SDHC: variants seen among roughly 807,000 people sequenced by gnomAD.
SDHC encodes the protein succinate dehydrogenase complex subunit C.
In SDHC, 11 loss-of-function variants were observed where a neutral mutation model predicts 22.6. The observed-to-expected ratio is 0.49, with a 90% CI of 0.31 to 0.81. SDHC has a LOEUF of 0.81. Among genes scored for constraint, SDHC ranks in the 30% least tolerant of loss-of-function variants. SDHC has a pLI of 0.05. For synonymous variants in SDHC, 80 were observed against 77.8 expected (o/e 1.03, Z -0.15); for missense variants, 160 against 212.0 (o/e 0.75, Z 1.52).
intron 1 of SDHC, among the ~76,000 whole-genome samples, chr1:161,320,917 C>T (rs954716446): frequency 1.3e-5 from 2 of 148,964 alleles, no homozygotes; most frequent in East Asian, 2.0e-4. Context: ...ACCTCTGCCT[C>T]GCGGGTTCAA....
chr1:161,348,345 G>T (rs140700985), intron 4 of SDHC, among the ~76,000 whole-genome samples: 2,988 of 151,512 alleles, frequency 0.02, 78 homozygotes, highest in African/African-American at 0.065. Flanking sequence ...TTTTAGTAGA[G>T]ACGGGATTTC....
chr1:161,326,991 A>G (rs1020481459), intron 2 of SDHC, among the ~76,000 whole-genome samples: 1 of 152,068 alleles, frequency 6.6e-6, no homozygotes, highest in Non-Finnish European at 1.5e-5. Context: ...TGATGCAATC[A>G]CAGCTCACTG....
chr1:161,338,433 ATTCCAAGATGAGCGTTAGCT>A (rs1370075865), intron 3 of SDHC, among the ~76,000 whole-genome samples: 1 of 152,198 alleles, frequency 6.6e-6, no homozygotes, highest in Non-Finnish European at 1.5e-5. Context: ...CTAAGCTAAC[ATTCCAAGATGAGCGTTAGCT>A]TTCTTCAGAG....
intron 3 of SDHC, among the ~76,000 whole-genome samples, chr1:161,329,612 A>G (rs1340864297): frequency 1.3e-5 from 2 of 152,226 alleles, no homozygotes; most frequent in Non-Finnish European, 2.9e-5. Context: ...GATTATAGGC[A>G]TGAGCCATCA....
intron 1 of SDHC, among the ~76,000 whole-genome samples, chr1:161,319,798 A>G (rs536838474): frequency 4.5e-4 from 69 of 152,270 alleles, no homozygotes; most frequent in African/African-American, 1.5e-3. Context: ...GGGAGGCTCT[A>G]TTCAGAGAAC....
intron 3 of SDHC, among the ~76,000 whole-genome samples, chr1:161,336,592 G>T (rs899580502): frequency 6.6e-6 from 1 of 152,148 alleles, no homozygotes; most frequent in African/African-American, 2.4e-5. Flanking sequence ...GGTGAGGTGA[G>T]TCTTTCACTA....
At chr1:161,339,423 G>A (rs374132063) in intron 3 of SDHC, 19 of 270,396 alleles carry the variant, frequency 7.0e-5, no homozygotes, top group South Asian at 6.4e-4. Flanking sequence ...TGAACTCAAC[G>A]GCCCCCGCCT....
rs111230586 is a variant in SDHC, at chr1:161,323,852, C to T, written c.77+182C>T. On this transcript the variant is annotated intron_variant, in intron 2 of 5. Transcript: ENST00000367975. ...CTGGGACTACAGGCGCCCACCACCA[C>T]GCCTGGCTAATTTTTTTGTATTTTT... Among the ~76,000 whole-genome samples, 5,249 of 152,198 alleles carry T rather than the reference C, an allele frequency of 0.034. 102 individuals carry two copies. The highest frequency in any genetic ancestry group is 0.038 in the Non-Finnish European group (2,580 of 67,986).
intron 3 of SDHC, among the ~76,000 whole-genome samples, chr1:161,334,485 TA>T (rs1463624352): frequency 6.6e-6 from 1 of 152,192 alleles, no homozygotes; most frequent in Non-Finnish European, 1.5e-5. Context: ...AAGTTTTTAA[TA>T]AAACTTGTGG....
At chr1:161,355,686 A>G (rs1380244698) in intron 4 of SDHC, among the ~76,000 whole-genome samples, 2 of 152,166 alleles carry the variant, frequency 1.3e-5, no homozygotes, top group African/African-American at 2.4e-5. Context: ...ACACTAGAAG[A>G]TAAAGATAAA....
At chr1:161,328,273 A>G (rs1671139733) in intron 2 of SDHC, 123 bp from the exon 3 acceptor site, 1 of 803,012 alleles carries the variant, frequency 1.2e-6, no homozygotes, top group Non-Finnish European at 2.2e-6. Flanking sequence ...AAGAGCTGAG[A>G]TTACAGGCCT....
chr1:161,328,317 T>C (rs981553888), intron 2 of SDHC, 79 bp from the exon 3 acceptor site: 49 of 1,202,082 alleles, frequency 4.1e-5, no homozygotes, highest in Non-Finnish European at 3.7e-6. Flanking sequence ...TTGCAAAATA[T>C]TGACTTAATA....
chr1:161,327,198 G>A (rs746874839), intron 2 of SDHC, among the ~76,000 whole-genome samples: 3 of 152,196 alleles, frequency 2.0e-5, no homozygotes, highest in Non-Finnish European at 4.4e-5. Context: ...CAAAGTGCCG[G>A]GATTATAGGC....
At chr1:161,356,063 CTTAG>C (rs1225517810) in intron 4 of SDHC, among the ~76,000 whole-genome samples, 3 of 148,278 alleles carry the variant, frequency 2.0e-5, no homozygotes, top group South Asian at 2.1e-4. Context: ...TTTACCTTTT[CTTAG>C]TTAGATGATG....
chr1:161,362,294 G>T (rs765602054), intron 5 of SDHC, 35 bp from the exon 6 acceptor site: 1 of 1,584,786 alleles, frequency 6.3e-7, no homozygotes, highest in South Asian at 1.1e-5. Flanking sequence ...CCTATTTACT[G>T]AAATTCCTTT....
intron 1 of SDHC, among the ~76,000 whole-genome samples, chr1:161,315,518 G>A (rs1366462563): frequency 6.6e-6 from 1 of 152,154 alleles, no homozygotes; most frequent in Non-Finnish European, 1.5e-5. Flanking sequence ...GAATGCTTTT[G>A]AATTCTCTGA....
chr1:161,350,098 C>G (rs528410927), intron 4 of SDHC, among the ~76,000 whole-genome samples: 1 of 152,042 alleles, frequency 6.6e-6, no homozygotes, highest in South Asian at 2.1e-4. Flanking sequence ...TTAGTAGAGA[C>G]GGGGTTTCAC....
intron 4 of SDHC, among the ~76,000 whole-genome samples, chr1:161,348,085 A>C (rs537173503): frequency 2.1e-4 from 32 of 152,200 alleles, no homozygotes; most frequent in Non-Finnish European, 4.1e-4. Context: ...CTAATATATA[A>C]ATTTTAAAAA....
In SDHC at chr1:161,328,507, G is replaced by A. The variant is rs532455044; in HGVS notation, c.179+10G>A. 8.8e-5 allele frequency: 138 copies of A among 1,565,370 alleles called. 2 individuals are homozygous for A. The Admixed American group carries it at 1.5e-3, about 17-fold the overall frequency. ...ACATTACTATCTACAGGTAAGGAAG[G>A]ATTCTGGAGCCAGAGAATCTAGAGG... is the stretch of plus-strand genomic sequence containing the variant. On this transcript the variant is annotated intron_variant, in intron 3 of 5. Transcript: ENST00000367975.
Sources: allele counts gnomAD v4.1 joint callset (sites outside exome capture counted in the v4.1 genomes callset), GRCh38; gene constraint gnomAD v4.1.1; transcripts MANE v1.5; gene names NCBI Gene and HGNC (gene_info 2026-07-23, HGNC 2026-07-21).